The following SERINC2 variants were observed in gnomAD, a reference collection of about 807,000 sequenced individuals.
The protein encoded by SERINC2 is serine incorporator 2.
A neutral mutation model predicts 54.2 loss-of-function variants in SERINC2; 56 were observed. The ratio of observed to expected loss-of-function variants is 1.03; its 90% CI spans 0.83 to 1.29. SERINC2 has a LOEUF of 1.29. Ranked by LOEUF, SERINC2 falls within the 50% of genes most tolerant of loss-of-function variation. SERINC2 has a pLI of 0.00. For missense variants in SERINC2, 614 were observed against 607.4 expected (o/e 1.01, Z -0.12); for synonymous variants, 272 against 253.1 (o/e 1.07, Z -0.71).
chr1:31,425,208 C>T, intron 3 of SERINC2, 122 bp from the exon 4 acceptor site: 2 of 793,714 alleles, frequency 2.5e-6, no homozygotes, highest in Non-Finnish European at 4.4e-6. Flanking sequence ...CCAGAAAGCC[C>T]ACCCTCACCC....
intron 8 of SERINC2, among the ~76,000 whole-genome samples, chr1:31,432,024 G>GGTGGATAGGGTGGTTAGAGTGGAGAGA (rs1641262463): frequency 7.8e-6 from 1 of 127,398 alleles, no homozygotes; most frequent in African/African-American, 3.3e-5. Flanking sequence ...GGGTGGACAG[G>GGTGGATAGGGTGGTTAGAGTGGAGAGA]GTGGACAGGG....
At chr1:31,421,689 T>A (rs1640905050) in intron 1 of SERINC2, among the ~76,000 whole-genome samples, 2 of 152,218 alleles carry the variant, frequency 1.3e-5, no homozygotes, top group Non-Finnish European at 2.9e-5. Context: ...CCTGCTCTTT[T>A]CAAAGCTCAT....
chr1:31,431,751 TAGGGTGGAG>T (rs1428744282), intron 8 of SERINC2, among the ~76,000 whole-genome samples: 2 of 74,848 alleles, frequency 2.7e-5, no homozygotes, highest in African/African-American at 3.6e-5. Flanking sequence ...ATTTGGTAGA[TAGGGTGGAG>T]AGGGTGGAGA....
chr1:31,433,235 T>TC (rs781953781), intron 9 of SERINC2, 50 bp downstream of exon 9: 179 of 1,465,316 alleles, frequency 1.2e-4, no homozygotes, highest in Non-Finnish European at 1.6e-4. Flanking sequence ...AGGGTGCAGG[T>TC]CCACACATCT....
rs1640704154 is a variant in SERINC2 at position 31,413,748 on chromosome 1, G to GC, written c.39+447dup. On this transcript the variant is annotated intron_variant, in intron 1 of 9. Coordinates refer to ENST00000373709, the MANE Select transcript of SERINC2 (RefSeq NM_178865.5). The surrounding 1 kb of genome is among the most constrained non-coding windows in gnomAD (Gnocchi z 5.0). ...CCCCGTCCCTCCTGGCGAGTGCCCT[G>GC]CCCTACCCCTCTGGCCGCCTGCCAG... The GC allele has an allele frequency of 7.3e-7, 1 of 1,373,162 alleles. No individual in the cohort carries two copies. The highest frequency in any genetic ancestry group is 3.5e-5 in the Admixed American group (1 of 28,910). 85.1% of individuals were successfully genotyped at this position (1,373,162 alleles called of 1,614,324 possible).
rs1553133046 is a variant in SERINC2 at position 31,423,753 on chromosome 1, A to G, written c.100A>G (p.Asn34Asp). The change falls in exon 2 of 10, where the codon AAC becomes GAC. Residue 34 changes from asparagine to aspartate, a missense_variant. Asn to Asp is a conservative substitution (Grantham distance 23, BLOSUM62 1). Coordinates refer to ENST00000373709, the MANE Select transcript of SERINC2 (RefSeq NM_178865.5). ...ILCSCCPASR[N>D]STVSRLIFTF... ...GTGCAGCTGCTGCCCCGCCAGCCGC[A>G]ACTCCACCGTGAGCCGCCTCATCTT... The G allele has an allele frequency of 1.2e-6, 2 of 1,613,472 alleles. No individual in the cohort carries two copies. The highest frequency in any genetic ancestry group is 1.1e-5 in the South Asian group (1 of 91,078).
At chr1:31,421,264 G>T (rs1640896845) in intron 1 of SERINC2, among the ~76,000 whole-genome samples, 1 of 152,190 alleles carries the variant, frequency 6.6e-6, no homozygotes. Flanking sequence ...TCTGCCCCCT[G>T]CCAGCACCCC....
intron 8 of SERINC2, among the ~76,000 whole-genome samples, chr1:31,431,830 G>C (rs1553134532): frequency 7.0e-6 from 1 of 143,726 alleles, no homozygotes; most frequent in Admixed American, 6.9e-5. Context: ...GGATAGGGTG[G>C]ATAGGGTGGA....
At chr1:31,412,616 C>T (rs1209609286), upstream of SERINC2, among the ~76,000 whole-genome samples, 1 of 152,180 alleles carries the variant, frequency 6.6e-6, no homozygotes, top group Non-Finnish European at 1.5e-5. Context: ...CTGCAGTGAG[C>T]TATGTTTGCA....
At position 31,434,422 on chromosome 1, in the gene SERINC2, G is replaced by A. The variant is rs942714541; in HGVS notation, c.*223G>A. On this transcript the variant is annotated 3_prime_UTR_variant, in exon 10 of 10. Transcript: ENST00000373709. ...CCCCATCCCCCCGCCACACCCACAC[G>A]GTGGAGCTGCCTCTTCCTTCCCCTC... 10 of 569,738 alleles carry A rather than the reference G, an allele frequency of 1.8e-5. No individual in the cohort carries two copies. Among genetic ancestry groups the A allele is most frequent in the Admixed American group, 3.3e-5 (1 of 30,702 alleles). 35.3% of individuals were successfully genotyped at this position (569,738 alleles called of 1,614,324 possible).
At chr1:31,416,010 G>A (rs868975608) in intron 1 of SERINC2, 3 of 675,334 alleles carry the variant, frequency 4.4e-6, no homozygotes, top group Middle Eastern at 7.4e-4. Flanking sequence ...AAAGATTTCA[G>A]GAGGGTCTTG....
chr1:31,414,772 C>T, intron 1 of SERINC2: 4 of 985,486 alleles, frequency 4.1e-6, no homozygotes, highest in Non-Finnish European at 4.8e-6. Context: ...CCATCGGTTG[C>T]ACCTGGTGAG....
intron 1 of SERINC2, chr1:31,414,456 A>ATGTGT (rs1640734107): frequency 3.9e-6 from 1 of 255,408 alleles, no homozygotes; most frequent in African/African-American, 3.5e-5. Flanking sequence ...TGTGTGTGTG[A>ATGTGT]GAGAGAGAGA....
intron 1 of SERINC2, among the ~76,000 whole-genome samples, chr1:31,423,393 T>G (rs1452644433): frequency 2.0e-5 from 3 of 152,194 alleles, no homozygotes; most frequent in Non-Finnish European, 4.4e-5. Context: ...GATTTTTTTT[T>G]TTAAACTACT....
At position 31,434,339 on chromosome 1, in the gene SERINC2, G is replaced by A; in HGVS notation, c.*140G>A. 2 of 865,740 alleles carry A rather than the reference G, an allele frequency of 2.3e-6. No homozygotes were observed. Among genetic ancestry groups the A allele is most frequent in the Non-Finnish European group, 3.6e-6 (2 of 561,786 alleles). 53.6% of individuals were successfully genotyped at this position (865,740 alleles called of 1,614,324 possible). On this transcript the variant is annotated 3_prime_UTR_variant, in exon 10 of 10. Transcript: ENST00000373709. ...CCCCAGCTCCAGGACCTGCCCCTGA[G>A]CCGGGCCTTCTAGTCGTAGTGCCTT...
chr1:31,424,232 T>G (rs532077639), intron 2 of SERINC2, among the ~76,000 whole-genome samples: 8 of 152,184 alleles, frequency 5.3e-5, no homozygotes, highest in Admixed American at 2.0e-4. Context: ...TTATACACAT[T>G]TTAGTGTGTA....
intron 4 of SERINC2, 152 bp from the exon 5 acceptor site, chr1:31,425,624 A>C: frequency 9.4e-7 from 1 of 1,058,904 alleles, no homozygotes; most frequent in South Asian, 1.5e-5. Context: ...CCCGACCCAT[A>C]TCCTGCCCTC....
intron 1 of SERINC2, among the ~76,000 whole-genome samples, chr1:31,421,732 C>T (rs1168279057): frequency 3.3e-5 from 5 of 152,186 alleles, no homozygotes; most frequent in South Asian, 2.1e-4. Context: ...TCCAGCCCCT[C>T]GAGTGGGTGC....
chr1:31,433,917 G>C, intron 9 of SERINC2, 147 bp from the exon 10 acceptor site: 1 of 780,342 alleles, frequency 1.3e-6, no homozygotes, highest in Non-Finnish European at 2.1e-6. Flanking sequence ...CACAAGGCCG[G>C]GTGTTAAAAA....
Sources: gnomAD v4.1 joint callset for allele counts (sites outside exome capture counted in the v4.1 genomes callset) on GRCh38, gnomAD v4.1.1 for gene constraint, Gnocchi (gnomAD v3.1) non-coding constraint, MANE v1.5 for transcripts, NCBI Gene and HGNC (gene_info 2026-07-23, HGNC 2026-07-21) for gene names.